RTL10: variants seen among roughly 807,000 people sequenced by gnomAD.
RTL10 encodes the protein protein Bop.
For missense variants in RTL10, 477 were observed against 470.7 expected (o/e 1.01, Z -0.12); for synonymous variants, 199 against 188.4 (o/e 1.06, Z -0.46).
In RTL10 at chr22:19,849,002, G is replaced by A. The variant is rs1938030211; in HGVS notation, c.*2165C>T. Reference sequence around the variant, plus strand: ...CAGTGCACTGGAGGTAGGCATCAGGGAGCAGTCTGACCCAACCCACAAAAG... The same window carrying A: ...CAGTGCACTGGAGGTAGGCATCAGGAAGCAGTCTGACCCAACCCACAAAAG... On this transcript the variant is annotated 3_prime_UTR_variant, in exon 3 of 3. Coordinates refer to ENST00000328554, the MANE Select transcript of RTL10 (RefSeq NM_024627.6). 1.0e-6 allele frequency: 1 copy of A among 985,510 alleles called. No individual in the cohort carries two copies. Among genetic ancestry groups the A allele is most frequent in the Non-Finnish European group, 1.2e-6 (1 of 830,020 alleles). The allele number at this position is 985,510 out of a possible 1,614,324, so 61.0% of individuals were successfully genotyped here.
chr22:19,851,068 C>G lies in RTL10; in HGVS notation c.*99G>C. On this transcript the variant is annotated 3_prime_UTR_variant, in exon 3 of 3. Transcript: ENST00000328554. ...GCCCAGCTATGGGGTCTGAAGTCAT[C>G]TGGGGACACCACTCTGCTCTGACTG... 1 of 1,465,316 alleles carries G rather than the reference C, an allele frequency of 6.8e-7. No individual in the cohort carries two copies. Among genetic ancestry groups the G allele is most frequent in the Admixed American group, 2.7e-5 (1 of 37,416 alleles). 90.8% of individuals were successfully genotyped at this position (1,465,316 alleles called of 1,614,324 possible).
rs1938151967 is a variant in RTL10, at chr22:19,853,247, G to A, written c.-225-761C>T. Among the ~76,000 whole-genome samples the A allele has an allele frequency of 1.4e-5, 2 of 147,154 alleles. 1 individual carries two copies. Among genetic ancestry groups the A allele is most frequent in the South Asian group, 4.2e-4 (2 of 4,802 alleles). On this transcript the variant is annotated intron_variant, in intron 2 of 2. Transcript: ENST00000328554. ...CCAGCCCCCACCATTGTAAAATCCT[G>A]GAACCCCACTTGCTGTCTGCTCCCG...
chr22:19,853,927 G>A (rs751766646), intron 2 of RTL10, among the ~76,000 whole-genome samples: 1 of 152,140 alleles, frequency 6.6e-6, no homozygotes, highest in Non-Finnish European at 1.5e-5. Flanking sequence ...CCCATGCCCG[G>A]GAGCCACAGT....
rs1938082643 is a variant in RTL10, at chr22:19,851,089, G to A, written c.*78C>T. 6.7e-7 allele frequency: 1 copy of A among 1,488,462 alleles called. No homozygotes were observed. The allele number at this position is 1,488,462 out of a possible 1,614,324, so 92.2% of individuals were successfully genotyped here. A position where few individuals can be genotyped will look rare whatever the true frequency, so the allele number is the denominator to read the frequency against. On this transcript the variant is annotated 3_prime_UTR_variant, in exon 3 of 3. Coordinates refer to ENST00000328554, the MANE Select transcript of RTL10 (RefSeq NM_024627.6). ...TCATCTGGGGACACCACTCTGCTCT[G>A]ACTGGGGACTATGGGGCGCTCAAGC...
At position 19,848,522 on chromosome 22, in the gene RTL10, G is replaced by A; in HGVS notation, c.*2645C>T. On this transcript the variant is annotated 3_prime_UTR_variant, in exon 3 of 3. Coordinates refer to ENST00000328554, the MANE Select transcript of RTL10 (RefSeq NM_024627.6). Reference sequence around the variant, plus strand: ...TGCCTGTCTGGAAGGCCATGCCAGAGTCCATCGTTGCCTCCACCCTACCTG... The same window carrying A: ...TGCCTGTCTGGAAGGCCATGCCAGAATCCATCGTTGCCTCCACCCTACCTG... The A allele has an allele frequency of 1.0e-6, 1 of 985,500 alleles. No individual in the cohort carries two copies. The highest frequency in any genetic ancestry group is 1.2e-6 in the Non-Finnish European group (1 of 829,972). The allele number at this position is 985,500 out of a possible 1,614,324, so 61.0% of individuals were successfully genotyped here. A position where few individuals can be genotyped will look rare whatever the true frequency, so the allele number is the denominator to read the frequency against.
At position 19,852,365 on chromosome 22, in the gene RTL10, G is replaced by T; in HGVS notation, c.-104C>A. 1.5e-6 allele frequency: 2 copies of T among 1,296,188 alleles called. No homozygotes were observed. Among genetic ancestry groups the T allele is most frequent in the South Asian group, 2.8e-5 (2 of 70,790 alleles). The allele number at this position is 1,296,188 out of a possible 1,614,324, so 80.3% of individuals were successfully genotyped here. On this transcript the variant is annotated 5_prime_UTR_variant, in exon 3 of 3. The change creates a new upstream start codon in the 5' untranslated region. Coordinates refer to ENST00000328554, the MANE Select transcript of RTL10 (RefSeq NM_024627.6). ...ACAACAGGACAGGGATGGCTGAACA[G>T]GGCGTGGCAGACCCGCACTGGTCCA...
chr22:19,848,794 G>A lies in RTL10; in HGVS notation c.*2373C>T, dbSNP rs561900525. The A allele has an allele frequency of 8.1e-6, 8 of 985,460 alleles. No individual in the cohort carries two copies. In the African/African-American group the frequency reaches 1.4e-4, roughly 17 times the overall value. The allele number at this position is 985,460 out of a possible 1,614,324, so 61.0% of individuals were successfully genotyped here. Reference sequence around the variant, plus strand: ...AGCCCCAAAGCCCCAATAGGACAGGGTTCAAAAGAGAAGGCAGCAATCCCA... The same window carrying A: ...AGCCCCAAAGCCCCAATAGGACAGGATTCAAAAGAGAAGGCAGCAATCCCA... On this transcript the variant is annotated 3_prime_UTR_variant, in exon 3 of 3. Coordinates refer to ENST00000328554, the MANE Select transcript of RTL10 (RefSeq NM_024627.6).
rs756474721 is a variant in RTL10 at position 19,849,276 on chromosome 22, T to C, written c.*1891A>G. ...TCTGTGCCCTGAAATAACTCACACA[T>C]AAAACCATCTGAACCCAGAGCCTTT... On this transcript the variant is annotated 3_prime_UTR_variant, in exon 3 of 3. Coordinates refer to ENST00000328554, the MANE Select transcript of RTL10 (RefSeq NM_024627.6). 1.2e-4 allele frequency: 122 copies of C among 983,436 alleles called. No homozygotes were observed. The highest frequency in any genetic ancestry group is 1.4e-4 in the Non-Finnish European group (118 of 828,274). The allele number at this position is 983,436 out of a possible 1,614,324, so 60.9% of individuals were successfully genotyped here.
chr22:19,852,354 A>T lies in RTL10; in HGVS notation c.-93T>A. 7.2e-7 allele frequency: 1 copy of T among 1,398,244 alleles called. No homozygotes were observed. The allele number at this position is 1,398,244 out of a possible 1,614,324, so 86.6% of individuals were successfully genotyped here. A position where few individuals can be genotyped will look rare whatever the true frequency, so the allele number is the denominator to read the frequency against. ...GCTTGCACGACACAACAGGACAGGG[A>T]TGGCTGAACAGGGCGTGGCAGACCC... is the stretch of plus-strand genomic sequence containing the variant. On this transcript the variant is annotated 5_prime_UTR_variant, in exon 3 of 3. Coordinates refer to ENST00000328554, the MANE Select transcript of RTL10 (RefSeq NM_024627.6).
Position 19,852,164 on chromosome 22 carries a change from G to A in RTL10, c.98C>T (p.Ala33Val), listed in dbSNP as rs995195349. The A allele has an allele frequency of 3.1e-6, 5 of 1,614,088 alleles. 1 individual carries two copies. The South Asian group carries it at 3.3e-5, about 11-fold the overall frequency. The change falls in exon 3 of 3, where the codon GCG becomes GTG. Residue 33 changes from alanine to valine, a missense_variant. By Grantham distance (64) the Ala-to-Val change is moderately conservative. Transcript: ENST00000328554. Reference protein sequence around the residue: ...NAHPWQQMDKASPGVAYTPLV... With the variant: ...NAHPWQQMDKVSPGVAYTPLV... ...GGGGGTGTATGCCACCCCAGGAGACGCCTTGTCCATCTGCTGCCATGGATG... is the reference window on the plus strand; with the variant it reads ...GGGGGTGTATGCCACCCCAGGAGACACCTTGTCCATCTGCTGCCATGGATG...
Position 19,850,645 on chromosome 22 carries a change from T to A in RTL10, c.*522A>T, listed in dbSNP as rs934459745. 1.6e-6 allele frequency: 2 copies of A among 1,225,802 alleles called. No homozygotes were observed. Among genetic ancestry groups the A allele is most frequent in the Non-Finnish European group, 2.0e-6 (2 of 985,012 alleles). 75.9% of individuals were successfully genotyped at this position (1,225,802 alleles called of 1,614,324 possible). ...ATCCCCCAGAATCAAAGTGGCCACT[T>A]CCTCCAGGCAGCCTTCCTCACATTC... On this transcript the variant is annotated 3_prime_UTR_variant, in exon 3 of 3. Coordinates refer to ENST00000328554, the MANE Select transcript of RTL10 (RefSeq NM_024627.6).
chr22:19,847,326 C>T lies in RTL10; in HGVS notation c.*3841G>A, dbSNP rs1937983638. On this transcript the variant is annotated 3_prime_UTR_variant, in exon 3 of 3. Transcript: ENST00000328554. ...CACAATCTGGCTCATGCTGACTGAT[C>T]CTGCAGGGTAACAGCTTTATTTGCC... The T allele has an allele frequency of 1.0e-6, 1 of 985,282 alleles. No individual in the cohort carries two copies. The allele number at this position is 985,282 out of a possible 1,614,324, so 61.0% of individuals were successfully genotyped here.
rs772856177 is a variant in RTL10 at position 19,851,382 on chromosome 22, C to T, written c.880G>A (p.Glu294Lys). The T allele has an allele frequency of 2.2e-5, 35 of 1,613,920 alleles. No homozygotes were observed. Among genetic ancestry groups the T allele is most frequent in the Non-Finnish European group, 2.8e-5 (33 of 1,180,012 alleles). The stretch of plus-strand genomic sequence containing the variant: ...CTAGGGACAGGTGTGGGGGCTGCCT[C>T]CTCTGGCTGGGAAGAGGCTGGTTCC... The part of the protein sequence containing the change: ...PVEPASSQPE[E>K]AAPTPVPRLS... Residue 294 changes from glutamate (E) to lysine (K), a missense_variant, in exon 3 of 3, where the codon GAG (glutamate) becomes AAG (lysine). Glu to Lys is a moderately conservative substitution (Grantham distance 56, BLOSUM62 1). Transcript: ENST00000328554.
Position 19,847,565 on chromosome 22 carries a change from G to A in RTL10, c.*3602C>T, listed in dbSNP as rs1937989415. 12 of 985,302 alleles carry A rather than the reference G, an allele frequency of 1.2e-5. No individual in the cohort carries two copies. In the South Asian group the frequency reaches 3.8e-4, roughly 31 times the overall value. 61.0% of individuals were successfully genotyped at this position (985,302 alleles called of 1,614,324 possible). ...ACCCTCAGCTCATGCGGGGAGGGGA[G>A]GAGGCAAGGCCAACCTCCAGTCCCT... On this transcript the variant is annotated 3_prime_UTR_variant, in exon 3 of 3. Transcript: ENST00000328554.
At position 19,846,788 on chromosome 22, in the gene RTL10, G is replaced by A. The variant is rs938195395; in HGVS notation, c.*4379C>T. ...GATGGCTATCTGCAGGCCAAGGAGC[G>A]AGGCCTCAGGAGAAACCAACCCTGC... On this transcript the variant is annotated 3_prime_UTR_variant, in exon 3 of 3. Coordinates refer to ENST00000328554, the MANE Select transcript of RTL10 (RefSeq NM_024627.6). 2.7e-5 allele frequency: 12 copies of A among 446,400 alleles called. No homozygotes were observed. The highest frequency in any genetic ancestry group is 3.3e-5 in the Non-Finnish European group (11 of 337,256). 27.7% of individuals were successfully genotyped at this position (446,400 alleles called of 1,614,324 possible).
chr22:19,848,760 G>C lies in RTL10; in HGVS notation c.*2407C>G. 1.0e-6 allele frequency: 1 copy of C among 985,506 alleles called. No individual in the cohort carries two copies. The highest frequency in any genetic ancestry group is 1.2e-6 in the Non-Finnish European group (1 of 830,014). The allele number at this position is 985,506 out of a possible 1,614,324, so 61.0% of individuals were successfully genotyped here. A position where few individuals can be genotyped will look rare whatever the true frequency, so the allele number is the denominator to read the frequency against. ...CCCCCAGGAGCTGCCTGGGTCCCAA[G>C]GGCACAAAAGCCCCAAAGCCCCAAT... On this transcript the variant is annotated 3_prime_UTR_variant, in exon 3 of 3. Coordinates refer to ENST00000328554, the MANE Select transcript of RTL10 (RefSeq NM_024627.6).
chr22:19,849,076 C>CAGAA lies in RTL10; in HGVS notation c.*2087_*2090dup. ...GACGGAGGGCAGCTGTGACCTGGCACAGAAGCATGGGGCTGGGCCAGGACA... is the reference window on the plus strand; with the variant it reads ...GACGGAGGGCAGCTGTGACCTGGCACAGAAAGAAGCATGGGGCTGGGCCAGGACA... On this transcript the variant is annotated 3_prime_UTR_variant, in exon 3 of 3. Transcript: ENST00000328554. The CAGAA allele has an allele frequency of 2.0e-6, 2 of 985,476 alleles. No individual in the cohort carries two copies. The highest frequency in any genetic ancestry group is 9.4e-5 in the South Asian group (2 of 21,286). 61.0% of individuals were successfully genotyped at this position (985,476 alleles called of 1,614,324 possible). A position where few individuals can be genotyped will look rare whatever the true frequency, so the allele number is the denominator to read the frequency against.
Position 19,847,592 on chromosome 22 carries a change from C to G in RTL10, c.*3575G>C. On this transcript the variant is annotated 3_prime_UTR_variant, in exon 3 of 3. Coordinates refer to ENST00000328554, the MANE Select transcript of RTL10 (RefSeq NM_024627.6). Reference sequence around the variant, plus strand: ...AGGCAAGGCCAACCTCCAGTCCCTGCTCTAAACCCCCATGTAGTGGTACCG... The same window carrying G: ...AGGCAAGGCCAACCTCCAGTCCCTGGTCTAAACCCCCATGTAGTGGTACCG... 1.0e-6 allele frequency: 1 copy of G among 984,222 alleles called. No homozygotes were observed. 61.0% of individuals were successfully genotyped at this position (984,222 alleles called of 1,614,324 possible).
chr22:19,849,824 T>C lies in RTL10; in HGVS notation c.*1343A>G, dbSNP rs1938052655. 3 of 985,482 alleles carry C rather than the reference T, an allele frequency of 3.0e-6. No individual in the cohort carries two copies. The highest frequency in any genetic ancestry group is 9.4e-5 in the South Asian group (2 of 21,290). 61.0% of individuals were successfully genotyped at this position (985,482 alleles called of 1,614,324 possible). A position where few individuals can be genotyped will look rare whatever the true frequency, so the allele number is the denominator to read the frequency against. ...TAAACCTGAAAGGGACTTGAACTTC[T>C]TGTCCAAGCACCAGAGTGGGCACAC... On this transcript the variant is annotated 3_prime_UTR_variant, in exon 3 of 3. Transcript: ENST00000328554.
Sources: gnomAD v4.1 joint callset for allele counts (sites outside exome capture counted in the v4.1 genomes callset) on GRCh38, gnomAD v4.1.1 for gene constraint, MANE v1.5 for transcripts, NCBI Gene and HGNC (gene_info 2026-07-23, HGNC 2026-07-21) for gene names.